CFAP263: variants seen among roughly 807,000 people sequenced by gnomAD.
The protein encoded by CFAP263 is cilia- and flagella-associated protein 263.
At chr16:58,255,151 A>C in the CFAP263 span, among the ~76,000 whole-genome samples, 1 of 152,216 alleles carries the variant, frequency 6.6e-6, no homozygotes, top group Admixed American at 6.5e-5. Context: ...CCAATGGTGC[A>C]GCCTTCGGTC....
the CFAP263 span, among the ~76,000 whole-genome samples, chr16:58,262,696 A>G: frequency 6.6e-6 from 1 of 152,006 alleles, no homozygotes; most frequent in Non-Finnish European, 1.5e-5. Context: ...TGCTCCCACA[A>G]CCCTGGCTGT....
chr16:58,260,246 G>T, the CFAP263 span, among the ~76,000 whole-genome samples: 4 of 152,126 alleles, frequency 2.6e-5, no homozygotes, highest in African/African-American at 4.8e-5. Flanking sequence ...GGGAGAAGGG[G>T]TCAGGAGTCA....
At chr16:58,258,574 G>T in the CFAP263 span, 1 of 1,564,434 alleles carries the variant, frequency 6.4e-7, no homozygotes, top group African/African-American at 1.4e-5. Context: ...TTACAGGGAT[G>T]TTATGGAAAT....
the CFAP263 span, among the ~76,000 whole-genome samples, chr16:58,263,439 A>T: frequency 6.6e-6 from 1 of 152,194 alleles, no homozygotes; most frequent in African/African-American, 2.4e-5. Flanking sequence ...ATATAAGTAC[A>T]CAATACCCAC....
chr16:58,279,604 C>A, the CFAP263 span: 5 of 1,106,428 alleles, frequency 4.5e-6, no homozygotes, highest in Non-Finnish European at 6.4e-6. Context: ...GCTGCATTCT[C>A]AGTAGCCACA....
the CFAP263 span, among the ~76,000 whole-genome samples, chr16:58,268,062 A>AGAAT: frequency 4.0e-4 from 60 of 150,916 alleles, no homozygotes; most frequent in African/African-American, 1.1e-3. Context: ...AGAGAGAGAG[A>AGAAT]GGTCATAACC....
At chr16:58,278,389 A>T in the CFAP263 span, 1 of 1,146,266 alleles carries the variant, frequency 8.7e-7, no homozygotes, top group Non-Finnish European at 1.3e-6. Context: ...TTGGAACTCT[A>T]TTGGAACTAT....
chr16:58,268,062 A>AGAGAGAGAGAT, the CFAP263 span, among the ~76,000 whole-genome samples: 1 of 150,838 alleles, frequency 6.6e-6, no homozygotes, highest in African/African-American at 2.4e-5. Context: ...AGAGAGAGAG[A>AGAGAGAGAGAT]GGTCATAACC....
At chr16:58,278,238 G>A in the CFAP263 span, among the ~76,000 whole-genome samples, 17 of 129,362 alleles carry the variant, frequency 1.3e-4, no homozygotes, top group African/African-American at 4.4e-4. Context: ...GAGGAAGGAG[G>A]GAAGAAAAGG....
the CFAP263 span, among the ~76,000 whole-genome samples, chr16:58,279,116 A>T: frequency 2.6e-4 from 40 of 152,158 alleles, no homozygotes; most frequent in Non-Finnish European, 7.3e-5. Context: ...TGTGACAGGA[A>T]GCACCCTTGC....
chr16:58,250,065 G>A, the CFAP263 span: 4 of 1,599,444 alleles, frequency 2.5e-6, no homozygotes, highest in Non-Finnish European at 3.4e-6. Flanking sequence ...ATGAAGGGTC[G>A]GAGCTGGAGC....
chr16:58,265,814 A>G, the CFAP263 span, among the ~76,000 whole-genome samples: 86 of 152,262 alleles, frequency 5.6e-4, no homozygotes, highest in African/African-American at 2.1e-3. Context: ...AGCATCACCA[A>G]TTTCGCTCTC....
chr16:58,269,504 C>T, the CFAP263 span, among the ~76,000 whole-genome samples: 10 of 152,188 alleles, frequency 6.6e-5, no homozygotes, highest in African/African-American at 1.9e-4. Context: ...CTCCCACCCT[C>T]CAGCTCTCAG....
the CFAP263 span, among the ~76,000 whole-genome samples, chr16:58,275,647 T>C: frequency 6.6e-6 from 1 of 152,204 alleles, no homozygotes; most frequent in Middle Eastern, 3.2e-3. Flanking sequence ...TGAGCCCTGA[T>C]ACAGATCACA....
At chr16:58,250,551 G>C in the CFAP263 span, 2 of 155,184 alleles carry the variant, frequency 1.3e-5, no homozygotes, top group African/African-American at 4.8e-5. Context: ...GATCGCTTGA[G>C]GTCAGGAGTT....
chr16:58,266,707 A>G, the CFAP263 span, among the ~76,000 whole-genome samples: 1 of 151,942 alleles, frequency 6.6e-6, no homozygotes, highest in East Asian at 1.9e-4. Context: ...AGCACATCCC[A>G]GCTCCTCTGG....
At chr16:58,253,810 T>G in the CFAP263 span, among the ~76,000 whole-genome samples, 1 of 152,198 alleles carries the variant, frequency 6.6e-6, no homozygotes, top group Middle Eastern at 3.2e-3. Flanking sequence ...GTGCAGGGGC[T>G]TAGGATGACT....
the CFAP263 span, among the ~76,000 whole-genome samples, chr16:58,263,312 C>A: frequency 6.6e-6 from 1 of 152,218 alleles, no homozygotes; most frequent in Non-Finnish European, 1.5e-5. Context: ...AAATTGGTTT[C>A]TTCCCCCAGA....
chr16:58,274,678 T>G, the CFAP263 span, among the ~76,000 whole-genome samples: 1 of 152,178 alleles, frequency 6.6e-6, no homozygotes, highest in Non-Finnish European at 1.5e-5. Flanking sequence ...TGATTGTAAG[T>G]TTCCTGAGGC....
Sources: allele counts gnomAD v4.1 joint callset (sites outside exome capture counted in the v4.1 genomes callset), GRCh38; gene constraint gnomAD v4.1.1; transcripts MANE v1.5; gene names NCBI Gene and HGNC (gene_info 2026-07-23, HGNC 2026-07-21).